The following GIMAP7 variants were observed in gnomAD, a reference collection of about 807,000 sequenced individuals.
The protein encoded by GIMAP7 is GTPase, IMAP family member 7, also known as GTPase IMAP family member 7.
For synonymous variants in GIMAP7, 137 were observed against 129.3 expected, an observed-to-expected ratio of 1.06 and a Z score of -0.40; for missense variants, 323 against 359.7, an observed-to-expected ratio of 0.90 and a Z score of 0.83.
At chr7:150,519,247 A>C (rs1461980361) in intron 1 of GIMAP7, among the ~76,000 whole-genome samples, 7 of 152,204 alleles carry the variant, frequency 4.6e-5, no homozygotes, top group African/African-American at 1.4e-4. Flanking sequence ...TCCAGAAAAA[A>C]AGATGACAAA....
intron 1 of GIMAP7, among the ~76,000 whole-genome samples, chr7:150,516,195 T>A (rs893287299): frequency 6.6e-6 from 1 of 152,222 alleles, no homozygotes; most frequent in African/African-American, 2.4e-5. Context: ...ATACAAAACA[T>A]GTTTTATCAG....
chr7:150,518,931 T>C (rs1563301833), intron 1 of GIMAP7, among the ~76,000 whole-genome samples: 1 of 151,800 alleles, frequency 6.6e-6, no homozygotes, highest in African/African-American at 2.4e-5. Flanking sequence ...TATTTCAGTG[T>C]TGCTAATAAA....
Position 150,520,413 on chromosome 7 carries a change from G to A in GIMAP7, c.439G>A (p.Ala147Thr). ...GGGCCAGAGCTTCCATGACTTCATA[G>A]CAGATGCGGATGTGGGCCTAAAAAG... ...LEGQSFHDFI[A>T]DADVGLKSIV... The change falls in exon 2 of 2, where the codon GCA (alanine) becomes ACA (threonine). Residue 147 changes from alanine to threonine, a missense_variant. By Grantham distance (58) the Ala-to-Thr change is moderately conservative. Transcript: ENST00000313543. 4 of 1,614,242 alleles carry A rather than the reference G, an allele frequency of 2.5e-6. No individual in the cohort carries two copies. The highest frequency in any genetic ancestry group is 2.5e-6 in the Non-Finnish European group (3 of 1,180,046).
chr7:150,517,708 G>A (rs77902564), intron 1 of GIMAP7, among the ~76,000 whole-genome samples: 3,015 of 152,064 alleles, frequency 0.02, 104 homozygotes, highest in African/African-American at 0.068. Context: ...TATTTGTTCC[G>A]TTTCTTTTAA....
intron 1 of GIMAP7, among the ~76,000 whole-genome samples, chr7:150,518,297 C>G (rs977703424): frequency 1.3e-4 from 20 of 152,260 alleles, no homozygotes; most frequent in Admixed American, 2.0e-4. Context: ...TTTTCCCCTT[C>G]ACACTAGTCA....
intron 1 of GIMAP7, among the ~76,000 whole-genome samples, chr7:150,518,235 A>G (rs888876878): frequency 3.3e-5 from 5 of 152,124 alleles, no homozygotes; most frequent in Admixed American, 3.3e-4. Flanking sequence ...GAGTAAATGC[A>G]TGTGTAATTT....
Position 150,521,029 on chromosome 7 carries a change from T to TAC in GIMAP7, c.*158_*159dup, listed in dbSNP as rs1554498970. 1.4e-4 allele frequency: 33 copies of TAC among 241,226 alleles called. No individual in the cohort carries two copies. The highest frequency in any genetic ancestry group is 1.3e-3 in the Admixed American group (24 of 17,934). The allele number at this position is 241,226 out of a possible 1,614,324, so 14.9% of individuals were successfully genotyped here. ...TGATTTTTAAATATATATATATATA[T>TAC]ACACACATTGTGAAATAATGAAATA... On this transcript the variant is annotated 3_prime_UTR_variant, in exon 2 of 2. Coordinates refer to ENST00000313543, the MANE Select transcript of GIMAP7 (RefSeq NM_153236.4).
In GIMAP7 at chr7:150,520,265, A is replaced by C; in HGVS notation, c.291A>C (p.Leu97=). The change falls in exon 2 of 2, where the codon CTA becomes CTC. Residue 97 remains leucine, a synonymous_variant. Transcript: ENST00000313543. ...GCCCAGGGCCCCATGCTATTGTCCT[A>C]GTTCTGCTGCTGGGCCGCTACACAG... ...SSCPGPHAIV[L]VLLLGRYTEE... The C allele has an allele frequency of 6.2e-7, 1 of 1,614,120 alleles. No individual in the cohort carries two copies. Among genetic ancestry groups the C allele is most frequent in the East Asian group, 2.2e-5 (1 of 44,878 alleles).
At chr7:150,515,298 C>T (rs1223542728) in intron 1 of GIMAP7, among the ~76,000 whole-genome samples, 1 of 152,094 alleles carries the variant, frequency 6.6e-6, no homozygotes, top group African/African-American at 2.4e-5. Context: ...TGTCTAAGTC[C>T]CTCTTCTTAC....
chr7:150,516,339 T>C (rs1479975877), intron 1 of GIMAP7, among the ~76,000 whole-genome samples: 1 of 152,202 alleles, frequency 6.6e-6, no homozygotes, highest in African/African-American at 2.4e-5. Context: ...TATTAAAATC[T>C]CACAGTTATC....
chr7:150,519,197 T>G (rs919275371), intron 1 of GIMAP7, among the ~76,000 whole-genome samples: 2 of 152,214 alleles, frequency 1.3e-5, no homozygotes, highest in African/African-American at 4.8e-5. Flanking sequence ...AACTTGCATT[T>G]TCCTTCATCT....
intron 1 of GIMAP7, among the ~76,000 whole-genome samples, chr7:150,515,356 A>G (rs1267072448): frequency 2.0e-5 from 3 of 152,186 alleles, no homozygotes; most frequent in Admixed American, 2.0e-4. Flanking sequence ...TGATTCTCCA[A>G]GGGGTACCCA....
intron 1 of GIMAP7, among the ~76,000 whole-genome samples, chr7:150,518,898 A>G (rs1795160241): frequency 1.3e-5 from 2 of 152,156 alleles, no homozygotes; most frequent in South Asian, 4.1e-4. Flanking sequence ...TTAAAATTGC[A>G]TCCAATTATA....
chr7:150,520,100 T>C lies in GIMAP7; in HGVS notation c.126T>C (p.Ala42=). 3 of 1,614,162 alleles carry C rather than the reference T, an allele frequency of 1.9e-6. No individual in the cohort carries two copies. Among genetic ancestry groups the C allele is most frequent in the Non-Finnish European group, 2.5e-6 (3 of 1,180,010 alleles). ...EIFDSRIAAQ[A]VTKNCQKASR... ...TTGATTCTAGAATTGCTGCCCAAGC[T>C]GTTACCAAGAACTGTCAAAAAGCAT... Residue 42 remains alanine, a synonymous_variant, in exon 2 of 2, where the codon GCT becomes GCC. Coordinates refer to ENST00000313543, the MANE Select transcript of GIMAP7 (RefSeq NM_153236.4).
At chr7:150,517,171 T>G (rs927496577) in intron 1 of GIMAP7, among the ~76,000 whole-genome samples, 3 of 152,160 alleles carry the variant, frequency 2.0e-5, no homozygotes, top group African/African-American at 7.2e-5. Context: ...GAATGATGAG[T>G]CACTTTCTTA....
In GIMAP7 at chr7:150,519,917, A is replaced by G. The variant is rs1342936168; in HGVS notation, c.-41-17A>G. 7.9e-6 allele frequency: 12 copies of G among 1,517,600 alleles called. No homozygotes were observed. Among genetic ancestry groups the G allele is most frequent in the South Asian group, 1.3e-5 (1 of 79,808 alleles). The allele number at this position is 1,517,600 out of a possible 1,614,324, so 94.0% of individuals were successfully genotyped here. A position where few individuals can be genotyped will look rare whatever the true frequency, so the allele number is the denominator to read the frequency against. On this transcript the variant is annotated splice_polypyrimidine_tract_variant and intron_variant, in intron 1 of 1. Coordinates refer to ENST00000313543, the MANE Select transcript of GIMAP7 (RefSeq NM_153236.4). ...TACTAAAACTGGCTTTTTTTCCCCTATCTTCCCCTCCTTAAGGTCTTGTAC... is the reference window on the plus strand; with the variant it reads ...TACTAAAACTGGCTTTTTTTCCCCTGTCTTCCCCTCCTTAAGGTCTTGTAC...
Position 150,520,450 on chromosome 7 carries a change from A to T in GIMAP7, c.476A>T (p.Glu159Val). Residue 159 changes from glutamate to valine, a missense_variant, in exon 2 of 2, where the codon GAG (glutamate) becomes GTG (valine). Transcript: ENST00000313543. ...ADVGLKSIVK[E>V]CGNRCCAFSN... is the part of the protein sequence containing the mutation. ...GTGGGCCTAAAAAGCATCGTCAAGG[A>T]GTGCGGGAACCGCTGCTGTGCCTTT... 1 of 1,614,252 alleles carries T rather than the reference A, an allele frequency of 6.2e-7. No individual in the cohort carries two copies. Among genetic ancestry groups the T allele is most frequent in the South Asian group, 1.1e-5 (1 of 91,088 alleles).
Position 150,520,517 on chromosome 7 carries a change from A to T in GIMAP7, c.543A>T (p.Gln181His), listed in dbSNP as rs1285196876. Residue 181 changes from glutamine (Q) to histidine (H), a missense_variant, in exon 2 of 2, where the codon CAA (glutamine) becomes CAT (histidine). Physicochemically the swap from Gln to His is conservative, Grantham distance 24 (BLOSUM62 0). Coordinates refer to ENST00000313543, the MANE Select transcript of GIMAP7 (RefSeq NM_153236.4). ...KKTSKAEKES[Q>H]VQELVELIEK... ...CCAGTAAGGCAGAGAAGGAAAGTCAAGTGCAGGAGTTGGTGGAGCTGATAG... is the reference window on the plus strand; with the variant it reads ...CCAGTAAGGCAGAGAAGGAAAGTCATGTGCAGGAGTTGGTGGAGCTGATAG... 1 of 1,614,120 alleles carries T rather than the reference A, an allele frequency of 6.2e-7. No homozygotes were observed. The highest frequency in any genetic ancestry group is 8.5e-7 in the Non-Finnish European group (1 of 1,180,054).
intron 1 of GIMAP7, among the ~76,000 whole-genome samples, chr7:150,517,416 C>T (rs1051032490): frequency 2.0e-5 from 3 of 152,076 alleles, no homozygotes; most frequent in Middle Eastern, 3.2e-3. Context: ...ATGTTGTAGG[C>T]TAAACTTGTA....
Sources: allele counts gnomAD v4.1 joint callset (sites outside exome capture counted in the v4.1 genomes callset), GRCh38; gene constraint gnomAD v4.1.1; transcripts MANE v1.5; gene names NCBI Gene and HGNC (gene_info 2026-07-23, HGNC 2026-07-21).